The following NRXN1 variants were observed in gnomAD, a reference collection of about 807,000 sequenced individuals.
NRXN1 encodes neurexin-1.
A neutral mutation model predicts 150.9 loss-of-function variants in NRXN1; 39 were observed. The ratio of observed to expected loss-of-function variants is 0.26; its 90% CI spans 0.20 to 0.34. The LOEUF is 0.34. NRXN1 is among the 10% of genes least tolerant of loss of function. The pLI, the probability that NRXN1 is intolerant of heterozygous loss-of-function variation, is 1.00. For missense variants in NRXN1, 1,815 were observed against 1,949.9 expected, an observed-to-expected ratio of 0.93 and a Z score of 1.30; for synonymous variants, 924 against 757.0, an observed-to-expected ratio of 1.22 and a Z score of -3.62.
chr2:50,993,816 T>C (rs537704740), intron 2 of NRXN1, among the ~76,000 whole-genome samples: 1 of 152,100 alleles, frequency 6.6e-6, no homozygotes, highest in Admixed American at 6.6e-5. Flanking sequence ...TCCCTATTCT[T>C]TATCTAAGCT....
chr2:50,640,895 A>C (rs1189284296), intron 5 of NRXN1, among the ~76,000 whole-genome samples: 1 of 152,186 alleles, frequency 6.6e-6, no homozygotes, highest in Non-Finnish European at 1.5e-5. Context: ...GCAACTGTCG[A>C]TATTATATTC....
chr2:50,762,642 G>A (rs886123257), intron 5 of NRXN1, among the ~76,000 whole-genome samples: 15 of 151,854 alleles, frequency 9.9e-5, no homozygotes, highest in Non-Finnish European at 1.9e-4. Flanking sequence ...GCATCCAGCT[G>A]TATCAATGTT....
intron 17 of NRXN1, among the ~76,000 whole-genome samples, chr2:50,324,379 C>G (rs1481728303): frequency 1.3e-5 from 2 of 152,086 alleles, no homozygotes; most frequent in Non-Finnish European, 2.9e-5. Context: ...GCTAAAGAAG[C>G]CAAGATGATA....
chr2:50,405,379 C>T (rs2082687139), intron 17 of NRXN1, among the ~76,000 whole-genome samples: 1 of 151,996 alleles, frequency 6.6e-6, no homozygotes, highest in Non-Finnish European at 1.5e-5. Flanking sequence ...TCTTCAAATG[C>T]TAGGTTTGGC....
intron 5 of NRXN1, among the ~76,000 whole-genome samples, chr2:50,802,274 C>T (rs915409334): frequency 6.6e-6 from 1 of 151,952 alleles, no homozygotes; most frequent in African/African-American, 2.4e-5. Context: ...GGGGGATCAC[C>T]TGAGGTCAGG....
intron 8 of NRXN1, among the ~76,000 whole-genome samples, chr2:50,589,939 C>G (rs149790701): frequency 2.9e-3 from 434 of 152,258 alleles, no homozygotes; most frequent in African/African-American, 9.9e-3. Context: ...AGGTTTTATT[C>G]ACTATTATAT....
intron 17 of NRXN1, among the ~76,000 whole-genome samples, chr2:50,452,754 G>GT (rs928398071): frequency 3.3e-5 from 5 of 152,138 alleles, no homozygotes; most frequent in African/African-American, 1.2e-4. Context: ...GTTGATTCAA[G>GT]TTTTTTGTGG....
chr2:50,988,833 TCA>T (rs1450252642), intron 2 of NRXN1, among the ~76,000 whole-genome samples: 2 of 151,944 alleles, frequency 1.3e-5, no homozygotes, highest in African/African-American at 2.4e-5. Context: ...GCCTAAAACT[TCA>T]GTTTTCCTTT....
intron 5 of NRXN1, among the ~76,000 whole-genome samples, chr2:50,701,308 T>G (rs1466290727): frequency 9.2e-5 from 14 of 152,168 alleles, no homozygotes; most frequent in Non-Finnish European, 1.6e-4. Context: ...TTATTATTAT[T>G]ATATTGACTC....
At chr2:50,997,973 A>C (rs1699546479) in intron 2 of NRXN1, among the ~76,000 whole-genome samples, 1 of 141,594 alleles carries the variant, frequency 7.1e-6, no homozygotes, top group Non-Finnish European at 1.5e-5. Context: ...ATAAGAAATA[A>C]AAAGGGAGGA....
At chr2:50,014,912 G>A (rs1686319874) in intron 21 of NRXN1, among the ~76,000 whole-genome samples, 1 of 152,076 alleles carries the variant, frequency 6.6e-6, no homozygotes, top group Non-Finnish European at 1.5e-5. Context: ...TAAATTTTAG[G>A]TAATGCTATC....
chr2:50,786,509 T>G (rs9309199), intron 5 of NRXN1, among the ~76,000 whole-genome samples: 80,813 of 151,916 alleles, frequency 0.53, 21,959 homozygotes, highest in East Asian at 0.71. Flanking sequence ...AAATGAAGAC[T>G]AATGATCCTT....
intron 5 of NRXN1, among the ~76,000 whole-genome samples, chr2:50,693,317 G>C (rs995395775): frequency 6.6e-6 from 1 of 152,170 alleles, no homozygotes; most frequent in Non-Finnish European, 1.5e-5. Context: ...GAGGTAGACT[G>C]AGGTGCCAAG....
At chr2:50,788,622 A>G (rs2105580192) in intron 5 of NRXN1, among the ~76,000 whole-genome samples, 1 of 152,090 alleles carries the variant, frequency 6.6e-6, no homozygotes, top group South Asian at 2.1e-4. Flanking sequence ...AGAGAGAGAG[A>G]AAGAGAGAGA....
Position 51,028,577 on chromosome 2 carries a change from A to G in NRXN1, c.-304T>C, listed in dbSNP as rs1022880338. ...AGACAACGTTCTGGAAAAGGCTTCAACAAAAGATCAAGGGAAAGCACTGAC... is the reference window on the plus strand; with the variant it reads ...AGACAACGTTCTGGAAAAGGCTTCAGCAAAAGATCAAGGGAAAGCACTGAC... On this transcript the variant is annotated 5_prime_UTR_variant, in exon 2 of 23. Transcript: ENST00000401669. The G allele has an allele frequency of 3.1e-6, 1 of 327,380 alleles. No individual in the cohort carries two copies. Among genetic ancestry groups the G allele is most frequent in the Non-Finnish European group, 5.5e-6 (1 of 180,606 alleles). The allele number at this position is 327,380 out of a possible 1,614,324, so 20.3% of individuals were successfully genotyped here. A position where few individuals can be genotyped will look rare whatever the true frequency, so the allele number is the denominator to read the frequency against.
At chr2:50,416,881 G>A (rs992740066) in intron 17 of NRXN1, among the ~76,000 whole-genome samples, 10 of 152,100 alleles carry the variant, frequency 6.6e-5, no homozygotes, top group East Asian at 1.9e-4. Context: ...ATGAGATTTC[G>A]GTGGGGACAC....
chr2:50,930,635 G>A (rs1379120164), intron 2 of NRXN1, among the ~76,000 whole-genome samples: 1 of 152,086 alleles, frequency 6.6e-6, no homozygotes, highest in East Asian at 1.9e-4. Flanking sequence ...TAAATCTTGA[G>A]AGTTAACATT....
At position 50,322,034 on chromosome 2, in the gene NRXN1, C is replaced by CA. The variant is rs10707210; in HGVS notation, c.3365-85065dup. Among the ~76,000 whole-genome samples the CA allele has an allele frequency of 4.1e-3, 483 of 117,540 alleles. 2 individuals are homozygous for CA. The highest frequency in any genetic ancestry group is 6.3e-3 in the Admixed American group (71 of 11,258). 77.1% of individuals were successfully genotyped at this position (117,540 alleles called of 152,430 possible). ...TCACAGACGTAAAAAATTACAACATCAAAAAAAAAAAAAAAAAACAGTCTG... is the reference window on the plus strand; with the variant it reads ...TCACAGACGTAAAAAATTACAACATCAAAAAAAAAAAAAAAAAAACAGTCTG... On this transcript the variant is annotated intron_variant, in intron 17 of 22. Coordinates refer to ENST00000401669, the MANE Select transcript of NRXN1 (RefSeq NM_001330078.2).
At chr2:51,013,453 TG>T (rs890275382) in intron 2 of NRXN1, among the ~76,000 whole-genome samples, 16 of 150,442 alleles carry the variant, frequency 1.1e-4, no homozygotes, top group Admixed American at 4.0e-4. Context: ...GAAATAGAGT[TG>T]TTTTTTTTTT....
Sources: allele counts gnomAD v4.1 joint callset (sites outside exome capture counted in the v4.1 genomes callset), GRCh38; gene constraint gnomAD v4.1.1; transcripts MANE v1.5; gene names NCBI Gene and HGNC (gene_info 2026-07-23, HGNC 2026-07-21).